Variants in SUPT6H observed in about 807,000 individuals in gnomAD.
The protein encoded by SUPT6H is transcription elongation factor SPT6.
Under a neutral mutation model 222.3 loss-of-function variants are expected in SUPT6H, and 11 were observed. The observed-to-expected ratio is 0.05, with a 90% CI of 0.03 to 0.08. The LOEUF (loss-of-function observed/expected upper bound fraction) is 0.08, where lower values mean the gene tolerates loss of function less well. Ranked by LOEUF, SUPT6H falls within the 10% of genes least tolerant of loss-of-function variation. The pLI is 1.00. For synonymous variants in SUPT6H, 762 were observed against 801.2 expected (o/e 0.95, Z 0.83); for missense variants, 1,422 against 2,216.0 (o/e 0.64, Z 7.19).
chr17:28,692,440 CTGACCAACA>C (rs2151652840), intron 27 of SUPT6H, among the ~76,000 whole-genome samples: 1 of 147,372 alleles, frequency 6.8e-6, no homozygotes, highest in South Asian at 2.3e-4. Context: ...CCAGACCAGC[CTGACCAACA>C]TGATGAAACC....
chr17:28,678,972 T>G lies in SUPT6H; in HGVS notation c.1349+9T>G. The G allele has an allele frequency of 3.1e-6, 5 of 1,614,114 alleles. No individual in the cohort carries two copies. Among genetic ancestry groups the G allele is most frequent in the Non-Finnish European group, 4.2e-6 (5 of 1,179,996 alleles). On this transcript the variant is annotated intron_variant, in intron 11 of 36. Coordinates refer to ENST00000314616, the MANE Select transcript of SUPT6H (RefSeq NM_003170.5). ...ACCACTGACATGGAGAGGTAAAACA[T>G]GCGGTGTTTATTCCATTATGGGAAG...
chr17:28,675,854 A>G (rs1382078961), intron 6 of SUPT6H, among the ~76,000 whole-genome samples: 1 of 152,194 alleles, frequency 6.6e-6, no homozygotes, highest in Non-Finnish European at 1.5e-5. Context: ...GCCCTGAGGG[A>G]ATACTGTAAT....
intron 27 of SUPT6H, among the ~76,000 whole-genome samples, chr17:28,692,478 T>C (rs1199526561): frequency 7.0e-6 from 1 of 142,694 alleles, no homozygotes; most frequent in Non-Finnish European, 1.5e-5. Context: ...ACTAAAAATA[T>C]AAGGATTAGC....
chr17:28,687,958 A>G (rs2031474652), intron 23 of SUPT6H, 133 bp from the exon 24 acceptor site: 1 of 906,194 alleles, frequency 1.1e-6, no homozygotes, highest in African/African-American at 1.8e-5. Context: ...TGAGTGGTCG[A>G]TAGCATGCTG....
intron 32 of SUPT6H, among the ~76,000 whole-genome samples, chr17:28,699,328 G>A (rs1360523377): frequency 1.3e-5 from 2 of 152,180 alleles, no homozygotes; most frequent in African/African-American, 2.4e-5. Context: ...AACTAACCCA[G>A]AGCCCCTCTT....
chr17:28,700,867 C>A, intron 35 of SUPT6H, 74 bp from the exon 36 acceptor site: 1 of 1,519,366 alleles, frequency 6.6e-7, no homozygotes, highest in Non-Finnish European at 8.9e-7. Context: ...CCCACCCTTG[C>A]GCTTACCCAG....
chr17:28,683,504 G>T, intron 16 of SUPT6H, 82 bp downstream of exon 16: 1 of 1,590,280 alleles, frequency 6.3e-7, no homozygotes, highest in South Asian at 1.1e-5. Flanking sequence ...TCAGGAGTGG[G>T]GAACCACAAT....
intron 32 of SUPT6H, among the ~76,000 whole-genome samples, chr17:28,698,385 G>T (rs551543323): frequency 3.2e-4 from 48 of 152,330 alleles, no homozygotes; most frequent in African/African-American, 1.1e-3. Context: ...CCTCACCAGG[G>T]CTTGCACACA....
In SUPT6H at chr17:28,664,879, C is replaced by CT. The variant is rs527407824; in HGVS notation, c.-32+2540dup. ...TCCTTTACTACTCCTCTTCCCCAGT[C>CT]TTTCAGTAAGTCTTGTCACTTCCAC... On this transcript the variant is annotated intron_variant, in intron 1 of 36. Transcript: ENST00000314616. Among the ~76,000 whole-genome samples the CT allele has an allele frequency of 5.9e-5, 9 of 152,306 alleles. No homozygotes were observed. In the East Asian group the frequency reaches 1.7e-3, roughly 29 times the overall value.
intron 6 of SUPT6H, 138 bp from the exon 7 acceptor site, chr17:28,676,019 A>G: frequency 1.0e-6 from 1 of 1,000,350 alleles, no homozygotes; most frequent in Non-Finnish European, 1.4e-6. Context: ...CCTTTCGTCC[A>G]CAGTGAATAT....
intron 27 of SUPT6H, chr17:28,691,281 C>CT: frequency 1.8e-6 from 1 of 543,948 alleles, no homozygotes; most frequent in South Asian, 2.6e-5. Flanking sequence ...AATCCTAGCA[C>CT]TTTGGGGGCC....
chr17:28,676,563 C>G (rs565879652), intron 7 of SUPT6H, 133 bp downstream of exon 7: 1 of 1,369,736 alleles, frequency 7.3e-7, no homozygotes, highest in Admixed American at 2.5e-5. Flanking sequence ...CTGGGAAATC[C>G]AGCTCTTAGA....
At position 28,687,064 on chromosome 17, in the gene SUPT6H, C is replaced by T. The variant is rs1349470252; in HGVS notation, c.2701-24C>T. 3 of 1,610,632 alleles carry T rather than the reference C, an allele frequency of 1.9e-6. No homozygotes were observed. The African/African-American group carries it at 4.0e-5, about 22-fold the overall frequency. On this transcript the variant is annotated intron_variant, in intron 21 of 36. Coordinates refer to ENST00000314616, the MANE Select transcript of SUPT6H (RefSeq NM_003170.5). ...TTGTAGCTAAGGGGATTTTAAGGCC[C>T]TGCTGACCCTCGTTTGACTCTAGGC...
At chr17:28,667,016 C>T (rs2030065232) in intron 1 of SUPT6H, among the ~76,000 whole-genome samples, 1 of 151,754 alleles carries the variant, frequency 6.6e-6, no homozygotes, top group Admixed American at 6.6e-5. Context: ...ATCTATTAAA[C>T]TTTTAGGTTT....
chr17:28,681,460 G>A (rs931247243), intron 12 of SUPT6H, 56 bp downstream of exon 12: 12 of 1,524,720 alleles, frequency 7.9e-6, no homozygotes, highest in Admixed American at 4.3e-5. Flanking sequence ...GATGGCTCAC[G>A]CATGTAATCC....
chr17:28,682,901 C>A, intron 14 of SUPT6H, 41 bp from the exon 15 acceptor site: 1 of 1,613,420 alleles, frequency 6.2e-7, no homozygotes, highest in Non-Finnish European at 8.5e-7. Flanking sequence ...GCCTGAGGAC[C>A]ACAACACCCT....
At position 28,678,162 on chromosome 17, in the gene SUPT6H, C is replaced by A; in HGVS notation, c.1086C>A (p.Ala362=). Residue 362 remains alanine, a synonymous_variant, in exon 9 of 37, where the codon GCC becomes GCA. Transcript: ENST00000314616. Reference sequence around the variant, plus strand: ...GCACAATTCAGAAGATCAAAGAGGCCCTGGGCTTCATGCGAAATCAGCATT... The same window carrying A: ...GCACAATTCAGAAGATCAAAGAGGCACTGGGCTTCATGCGAAATCAGCATT... The part of the protein sequence containing the change: ...GPSTIQKIKE[A]LGFMRNQHFE... The A allele has an allele frequency of 6.2e-7, 1 of 1,607,754 alleles. No homozygotes were observed.
chr17:28,682,903 CA>C, intron 14 of SUPT6H, 38 bp from the exon 15 acceptor site: 3 of 1,613,310 alleles, frequency 1.9e-6, no homozygotes, highest in Non-Finnish European at 2.5e-6. Context: ...CTGAGGACCA[CA>C]ACACCCTGGT....
chr17:28,675,016 A>ACGAGGAGGAATATGG lies in SUPT6H; in HGVS notation c.394_408dup (p.Glu132_Gly136dup). On this transcript the variant is annotated inframe_insertion, in exon 5 of 37. Transcript: ENST00000314616. ...AAAATGTCAGATGACGAGGACGATG[A>ACGAGGAGGAATATGG]CGAGGAGGAATATGGCAAGGAGGAA... is the stretch of plus-strand genomic sequence containing the variant. 1 of 1,614,142 alleles carries ACGAGGAGGAATATGG rather than the reference A, an allele frequency of 6.2e-7. No individual in the cohort carries two copies. The highest frequency in any genetic ancestry group is 1.1e-5 in the South Asian group (1 of 91,082).
Sources: allele counts gnomAD v4.1 joint callset (sites outside exome capture counted in the v4.1 genomes callset), GRCh38; gene constraint gnomAD v4.1.1; transcripts MANE v1.5; gene names NCBI Gene and HGNC (gene_info 2026-07-23, HGNC 2026-07-21).